Variants in EFCAB14 observed in about 807,000 individuals in gnomAD.
EFCAB14 encodes the protein EF-hand calcium-binding domain-containing protein 14.
A neutral mutation model predicts 56.5 loss-of-function variants in EFCAB14; 43 were observed. That is an observed-to-expected ratio of 0.76 (90% CI 0.60 to 0.98). The LOEUF is 0.98. Ranked by LOEUF, EFCAB14 falls within the 50% of genes least tolerant of loss-of-function variation. The pLI is 0.00. For missense variants in EFCAB14, 538 were observed against 580.3 expected, an observed-to-expected ratio of 0.93 and a Z score of 0.75; for synonymous variants, 235 against 212.9, an observed-to-expected ratio of 1.10 and a Z score of -0.90.
In EFCAB14 at chr1:46,678,235, G is replaced by C; in HGVS notation, c.*226C>G. 1 of 382,726 alleles carries C rather than the reference G, an allele frequency of 2.6e-6. No individual in the cohort carries two copies. The highest frequency in any genetic ancestry group is 4.6e-6 in the Non-Finnish European group (1 of 218,378). 23.7% of individuals were successfully genotyped at this position (382,726 alleles called of 1,614,324 possible). On this transcript the variant is annotated 3_prime_UTR_variant, in exon 11 of 11. Transcript: ENST00000371933. ...TTTTTCTGGCAATTTTAAAATGTAA[G>C]ATCTTACTGGTTGTAGGAAATCATA... is the stretch of plus-strand genomic sequence containing the variant.
chr1:46,715,021 C>T (rs541814872), intron 2 of EFCAB14, among the ~76,000 whole-genome samples: 2 of 152,170 alleles, frequency 1.3e-5, no homozygotes, highest in Admixed American at 1.3e-4. Flanking sequence ...TTCAAGTTTC[C>T]TAAAACTTTA....
Position 46,716,578 on chromosome 1 carries a change from T to C in EFCAB14, c.186-135A>G, listed in dbSNP as rs999634031. Reference sequence around the variant, plus strand: ...AGTGAATTAACCAGGGGAGGCAGGGTAAAGCACTTAAATGAATAAATAATA... The same window carrying C: ...AGTGAATTAACCAGGGGAGGCAGGGCAAAGCACTTAAATGAATAAATAATA... On this transcript the variant is annotated intron_variant, in intron 1 of 10. Transcript: ENST00000371933. 62 of 954,902 alleles carry C rather than the reference T, an allele frequency of 6.5e-5. No individual in the cohort carries two copies. The African/African-American group carries it at 1.0e-3, about 15-fold the overall frequency. The allele number at this position is 954,902 out of a possible 1,614,324, so 59.2% of individuals were successfully genotyped here.
intron 2 of EFCAB14, among the ~76,000 whole-genome samples, chr1:46,711,632 T>C (rs999509095): frequency 1.3e-5 from 2 of 152,210 alleles, no homozygotes; most frequent in South Asian, 4.1e-4. Flanking sequence ...TACTAATTCA[T>C]GTTTTTCCAA....
chr1:46,688,217 A>C, intron 7 of EFCAB14, 136 bp downstream of exon 7: 1 of 808,082 alleles, frequency 1.2e-6, no homozygotes, highest in South Asian at 1.7e-5. Flanking sequence ...ATGAGACAAC[A>C]CATTGTGAGG....
chr1:46,686,064 A>G (rs1487138984), intron 8 of EFCAB14, among the ~76,000 whole-genome samples: 1 of 152,228 alleles, frequency 6.6e-6, no homozygotes, highest in Non-Finnish European at 1.5e-5. Flanking sequence ...TATGCATTTG[A>G]GATGGTAATT....
At chr1:46,707,057 C>G (rs576553918) in intron 3 of EFCAB14, among the ~76,000 whole-genome samples, 1 of 152,200 alleles carries the variant, frequency 6.6e-6, no homozygotes, top group African/African-American at 2.4e-5. Context: ...GATACATTTG[C>G]AAGCACTTTC....
At position 46,678,567 on chromosome 1, in the gene EFCAB14, G is replaced by A; in HGVS notation, c.1382C>T (p.Thr461Ile). 6.2e-7 allele frequency: 1 copy of A among 1,614,090 alleles called. No homozygotes were observed. The highest frequency in any genetic ancestry group is 8.5e-7 in the Non-Finnish European group (1 of 1,180,022). Residue 461 changes from threonine (T) to isoleucine (I), a missense_variant, in exon 11 of 11, where the codon ACC becomes ATC. Transcript: ENST00000371933. ...TTCTGGCATAGCAGAACCTAGGGAGGTCCAGATTTCCTGGTAGGTCAGCTT... is the reference window on the plus strand; with the variant it reads ...TTCTGGCATAGCAGAACCTAGGGAGATCCAGATTTCCTGGTAGGTCAGCTT... ...DGKLTYQEIWTSLGSAMPEPE... is the reference protein window; with the variant it reads ...DGKLTYQEIWISLGSAMPEPE...
At chr1:46,709,741 A>G (rs1677281089) in intron 2 of EFCAB14, among the ~76,000 whole-genome samples, 1 of 152,220 alleles carries the variant, frequency 6.6e-6, no homozygotes. Context: ...TAATCCTAGC[A>G]CTTTGGGAGG....
At chr1:46,678,728 G>A in intron 10 of EFCAB14, 92 bp from the exon 11 acceptor site, 8 of 1,084,342 alleles carry the variant, frequency 7.4e-6, no homozygotes, top group Admixed American at 7.6e-5. Flanking sequence ...AACACTAAAA[G>A]AAAAGCTACT....
At chr1:46,714,801 C>CAAAAAAAA (rs529413592) in intron 2 of EFCAB14, among the ~76,000 whole-genome samples, 2 of 86,754 alleles carry the variant, frequency 2.3e-5, no homozygotes, top group Non-Finnish European at 4.8e-5. Flanking sequence ...GACCTTATCT[C>CAAAAAAAA]AAAAAAAAAA....
At chr1:46,711,524 T>C (rs1210901510) in intron 2 of EFCAB14, among the ~76,000 whole-genome samples, 4 of 152,154 alleles carry the variant, frequency 2.6e-5, no homozygotes, top group Admixed American at 6.5e-5. Context: ...GGGATCACAA[T>C]GATTATCTGG....
chr1:46,688,864 G>T (rs1349202679), intron 6 of EFCAB14, among the ~76,000 whole-genome samples: 1 of 152,126 alleles, frequency 6.6e-6, no homozygotes, highest in East Asian at 1.9e-4. Flanking sequence ...AGGCTTGCTG[G>T]GTTATTAAAT....
chr1:46,686,073 T>C (rs1251557081), intron 8 of EFCAB14, among the ~76,000 whole-genome samples: 2 of 152,244 alleles, frequency 1.3e-5, no homozygotes, highest in African/African-American at 2.4e-5. Context: ...GAGATGGTAA[T>C]TTAGTCACTT....
intron 6 of EFCAB14, 92 bp downstream of exon 6, chr1:46,689,495 C>A: frequency 5.8e-6 from 7 of 1,208,280 alleles, no homozygotes; most frequent in East Asian, 2.3e-5. Context: ...ACAGGATGCA[C>A]CTGCTGAGAC....
At chr1:46,692,123 A>T in intron 4 of EFCAB14, 186 bp from the exon 5 acceptor site, 1 of 452,660 alleles carries the variant, frequency 2.2e-6, no homozygotes, top group South Asian at 4.2e-5. Context: ...CTCTGTAATC[A>T]CTCCCTTGCC....
At chr1:46,710,857 A>G (rs1677297788) in intron 2 of EFCAB14, among the ~76,000 whole-genome samples, 1 of 152,126 alleles carries the variant, frequency 6.6e-6, no homozygotes, top group Non-Finnish European at 1.5e-5. Flanking sequence ...CAGTGAGATA[A>G]ACTTTTCTTA....
chr1:46,712,845 T>TA (rs11388655), intron 2 of EFCAB14, among the ~76,000 whole-genome samples: 55,567 of 150,336 alleles, frequency 0.37, 11,403 homozygotes, highest in East Asian at 0.74. Context: ...CTGTCTCTAC[T>TA]AAAAAAAAAT....
Position 46,684,432 on chromosome 1 carries a change from T to C in EFCAB14, c.1186+59A>G, listed in dbSNP as rs76664198. ...GCTGGAACACCTTCCCTGCTCCCCATGTGAGAGGCAAGCTGCTCAAGCCTC... is the reference window on the plus strand; with the variant it reads ...GCTGGAACACCTTCCCTGCTCCCCACGTGAGAGGCAAGCTGCTCAAGCCTC... On this transcript the variant is annotated intron_variant, in intron 9 of 10. Coordinates refer to ENST00000371933, the MANE Select transcript of EFCAB14 (RefSeq NM_014774.3). 10,525 of 1,394,342 alleles carry C rather than the reference T, an allele frequency of 7.5e-3. 211 individuals are homozygous for C. The highest frequency in any genetic ancestry group is 0.046 in the Admixed American group (2,748 of 59,292). 86.4% of individuals were successfully genotyped at this position (1,394,342 alleles called of 1,614,324 possible). A position where few individuals can be genotyped will look rare whatever the true frequency, so the allele number is the denominator to read the frequency against.
rs184653083 is a variant in EFCAB14 at position 46,711,901 on chromosome 1, T to C, written c.335-3850A>G. Among the ~76,000 whole-genome samples, 5 of 152,332 alleles carry C rather than the reference T, an allele frequency of 3.3e-5. No individual in the cohort carries two copies. In the East Asian group the frequency reaches 9.7e-4, roughly 29 times the overall value. ...GTCCATCCCTGCACCGGCACTAGTA[T>C]ATACAAAAGACCCTGAAGCTCTTAG... On this transcript the variant is annotated intron_variant, in intron 2 of 10. Coordinates refer to ENST00000371933, the MANE Select transcript of EFCAB14 (RefSeq NM_014774.3).
Sources: gnomAD v4.1 joint callset for allele counts (sites outside exome capture counted in the v4.1 genomes callset) on GRCh38, gnomAD v4.1.1 for gene constraint, MANE v1.5 for transcripts, NCBI Gene and HGNC (gene_info 2026-07-23, HGNC 2026-07-21) for gene names.